The following SYNRG variants were observed in gnomAD, a reference collection of about 807,000 sequenced individuals.
SYNRG encodes AP1 gamma subunit binding protein 1.
A neutral mutation model predicts 130.9 loss-of-function variants in SYNRG; 37 were observed. The observed-to-expected ratio is 0.28, with a 90% CI of 0.22 to 0.37. The LOEUF (loss-of-function observed/expected upper bound fraction) is 0.37. SYNRG is among the 10% of genes least tolerant of loss of function. SYNRG has a pLI of 1.00. For missense variants in SYNRG, 1,338 were observed against 1,588.9 expected (o/e 0.84, Z 2.68); for synonymous variants, 539 against 568.1 (o/e 0.95, Z 0.73).
intron 3 of SYNRG, among the ~76,000 whole-genome samples, chr17:37,591,802 C>G (rs1454164456): frequency 6.6e-6 from 1 of 152,054 alleles, no homozygotes; most frequent in Non-Finnish European, 1.5e-5. Flanking sequence ...AGATCTTACA[C>G]AAAAATTAAC....
At chr17:37,539,782 G>C (rs1784842561) in intron 16 of SYNRG, among the ~76,000 whole-genome samples, 1 of 152,246 alleles carries the variant, frequency 6.6e-6, no homozygotes. Context: ...GCTTCCCCCT[G>C]TGAGTGTTGC....
chr17:37,561,321 T>C, intron 12 of SYNRG, 64 bp from the exon 13 acceptor site: 2 of 1,561,892 alleles, frequency 1.3e-6, no homozygotes, highest in Middle Eastern at 1.7e-4. Flanking sequence ...CTCCAGGAAG[T>C]GAGGCAGATT....
At position 37,519,034 on chromosome 17, in the gene SYNRG, T is replaced by A; in HGVS notation, c.3851A>T (p.Tyr1284Phe). The change falls in exon 22 of 22, where the codon TAT becomes TTT. Residue 1284 changes from tyrosine (Y) to phenylalanine (F), a missense_variant. Physicochemically the swap from Tyr to Phe is conservative, Grantham distance 22. Around this residue, in one of 3 missense-constraint regions of SYNRG, gnomAD observed 1,146 missense variants for 1,342.3 expected, o/e 0.85. Transcript: ENST00000612223. ...GCTGGCGTGATACTGGTGCCCTCCA[T>A]AGGCCAGCTTGAAACTGTCTGTTTC... The part of the protein sequence containing the change: ...NSETDSFKLA[Y>F]GGHQYHASCA... 1 of 1,614,232 alleles carries A rather than the reference T, an allele frequency of 6.2e-7. No homozygotes were observed. Among genetic ancestry groups the A allele is most frequent in the Non-Finnish European group, 8.5e-7 (1 of 1,180,028 alleles).
At chr17:37,591,560 C>T (rs1166023168) in intron 3 of SYNRG, among the ~76,000 whole-genome samples, 2 of 152,204 alleles carry the variant, frequency 1.3e-5, no homozygotes, top group African/African-American at 4.8e-5. Flanking sequence ...TATCGTATAG[C>T]TACCGTCATG....
At chr17:37,577,682 C>T in intron 6 of SYNRG, 69 bp from the exon 7 acceptor site, 2 of 1,180,496 alleles carry the variant, frequency 1.7e-6, no homozygotes, top group Admixed American at 2.2e-5. Context: ...CCATCCATCT[C>T]CACCCCCATA....
intron 11 of SYNRG, 34 bp downstream of exon 11, chr17:37,568,757 A>C: frequency 6.2e-7 from 1 of 1,601,270 alleles, no homozygotes. Context: ...TTAATGGTTA[A>C]ATGCAATGTT....
In SYNRG at chr17:37,516,280, C is replaced by A. The variant is rs933024281; in HGVS notation, c.*2660G>T. 1 of 152,192 alleles carries A rather than the reference C, an allele frequency of 6.6e-6. No individual in the cohort carries two copies. Among genetic ancestry groups the A allele is most frequent in the Non-Finnish European group, 1.5e-5 (1 of 68,040 alleles). The allele number at this position is 152,192 out of a possible 1,614,324, so 9.4% of individuals were successfully genotyped here. On this transcript the variant is annotated 3_prime_UTR_variant, in exon 22 of 22. Coordinates refer to ENST00000612223, the MANE Select transcript of SYNRG (RefSeq NM_007247.6). ...TGCAGCGTTGAGCCATTTTAATAAA[C>A]GTTTATAAAGAAAAGCAGCGCAACC...
At chr17:37,600,479 G>T in intron 1 of SYNRG, 76 bp from the exon 2 acceptor site, 1 of 1,435,748 alleles carries the variant, frequency 7.0e-7, no homozygotes, top group Non-Finnish European at 9.7e-7. Flanking sequence ...TTTTTTATAT[G>T]GATAAAAGAC....
At position 37,553,657 on chromosome 17, in the gene SYNRG, T is replaced by C. The variant is rs1214840188; in HGVS notation, c.2066A>G (p.Asp689Gly). The C allele has an allele frequency of 1.9e-6, 3 of 1,614,048 alleles. No homozygotes were observed. Among genetic ancestry groups the C allele is most frequent in the Non-Finnish European group, 2.5e-6 (3 of 1,179,992 alleles). Residue 689 changes from aspartate to glycine, a missense_variant, in exon 14 of 22, where the codon GAT becomes GGT. Asp to Gly is a moderately conservative substitution (Grantham distance 94). This residue lies in a region of SYNRG where 1,146 missense variants were observed against 1,342.3 expected (regional missense o/e 0.85). Transcript: ENST00000612223. Reference protein sequence around the residue: ...YSGLAPVGEQDDFADFMAFSN... With the variant: ...YSGLAPVGEQGDFADFMAFSN... ...GAAAGCCATAAAATCTGCAAAGTCATCCTGCTCCCCAACAGGTGCTAGACC... is the reference window on the plus strand; with the variant it reads ...GAAAGCCATAAAATCTGCAAAGTCACCCTGCTCCCCAACAGGTGCTAGACC...
chr17:37,550,535 A>G (rs2058629118), intron 14 of SYNRG, among the ~76,000 whole-genome samples: 1 of 152,194 alleles, frequency 6.6e-6, no homozygotes, highest in Non-Finnish European at 1.5e-5. Context: ...TATTAACACA[A>G]GACTTACAGA....
intron 2 of SYNRG, among the ~76,000 whole-genome samples, chr17:37,597,413 G>A (rs1419697477): frequency 1.3e-5 from 2 of 152,200 alleles, no homozygotes; most frequent in African/African-American, 4.8e-5. Flanking sequence ...CACAACAGCA[G>A]ATAACTAACA....
In SYNRG at chr17:37,553,546, C is replaced by G. The variant is rs1433137102; in HGVS notation, c.2177G>C (p.Ser726Thr). 6.2e-7 allele frequency: 1 copy of G among 1,614,074 alleles called. No individual in the cohort carries two copies. Among genetic ancestry groups the G allele is most frequent in the African/African-American group, 1.3e-5 (1 of 74,918 alleles). The change falls in exon 14 of 22, where the codon AGC becomes ACC. Residue 726 changes from serine (S) to threonine (T), a missense_variant. Coordinates refer to ENST00000612223, the MANE Select transcript of SYNRG (RefSeq NM_007247.6). ...KEEASPVPLTSNVGSTVKGGQ... is the reference protein window; with the variant it reads ...KEEASPVPLTTNVGSTVKGGQ... ...ACCCTTCACTGTGCTGCCCACGTTG[C>G]TGGTTAGAGGAACAGGACTGGCTTC...
intron 19 of SYNRG, among the ~76,000 whole-genome samples, chr17:37,524,660 T>A (rs1172388796): frequency 6.6e-6 from 1 of 152,264 alleles, no homozygotes; most frequent in East Asian, 1.9e-4. Flanking sequence ...CTAACGCTTG[T>A]TCTGCAGTCA....
chr17:37,562,236 T>C (rs957392237), intron 11 of SYNRG, among the ~76,000 whole-genome samples: 13 of 152,234 alleles, frequency 8.5e-5, no homozygotes, highest in Admixed American at 3.9e-4. Flanking sequence ...TTCTAGAAGC[T>C]ATCTTTGTAA....
Position 37,542,496 on chromosome 17 carries a change from C to G in SYNRG, c.2678G>C (p.Ser893Thr), listed in dbSNP as rs761940235. Residue 893 changes from serine (S) to threonine (T), a missense_variant, in exon 15 of 22, where the codon AGC (serine) becomes ACC (threonine). This residue lies in a region of SYNRG where 1,146 missense variants were observed against 1,342.3 expected (regional missense o/e 0.85). Coordinates refer to ENST00000612223, the MANE Select transcript of SYNRG (RefSeq NM_007247.6). ...SSNFAVSTLT[S>T]YDWSDRDDAT... ...ATCATCCCTGTCTGACCAGTCATAG[C>G]TTGTAAGTGTGCTCACTGCAAAATT... 1 of 1,613,624 alleles carries G rather than the reference C, an allele frequency of 6.2e-7. No homozygotes were observed. The highest frequency in any genetic ancestry group is 8.5e-7 in the Non-Finnish European group (1 of 1,180,022).
At chr17:37,600,729 T>C (rs1339489179) in intron 1 of SYNRG, 1 of 426,492 alleles carries the variant, frequency 2.3e-6, no homozygotes, top group Admixed American at 4.1e-5. Flanking sequence ...CTATTGAGTG[T>C]CAACTACATG....
At chr17:37,590,810 C>CTAGGGATGCTGAGGCAGGAGAA (rs1408562398) in intron 3 of SYNRG, among the ~76,000 whole-genome samples, 9 of 151,942 alleles carry the variant, frequency 5.9e-5, no homozygotes, top group African/African-American at 2.2e-4. Flanking sequence ...ATCCCTGGTA[C>CTAGGGATGCTGAGGCAGGAGAA]TAGGGATGCT....
At chr17:37,585,735 TAAG>T (rs1393814700) in intron 4 of SYNRG, among the ~76,000 whole-genome samples, 1 of 152,098 alleles carries the variant, frequency 6.6e-6, no homozygotes, top group African/African-American at 2.4e-5. Context: ...CAGACAAACA[TAAG>T]AACACACTTT....
intron 14 of SYNRG, among the ~76,000 whole-genome samples, chr17:37,546,490 A>G (rs1196915542): frequency 1.3e-5 from 2 of 152,244 alleles, no homozygotes; most frequent in Non-Finnish European, 2.9e-5. Flanking sequence ...GTTTTCCATC[A>G]TGGATCTCAA....
Sources: gnomAD v4.1 joint callset for allele counts (sites outside exome capture counted in the v4.1 genomes callset) on GRCh38, gnomAD v4.1.1 for gene constraint, gnomAD v4.1.1 regional missense constraint, MANE v1.5 for transcripts, NCBI Gene and HGNC (gene_info 2026-07-23, HGNC 2026-07-21) for gene names.